The following NTN1 variants were observed in gnomAD, a reference collection of about 807,000 sequenced individuals.
NTN1 encodes the protein netrin-1.
In NTN1, 11 loss-of-function variants were observed where a neutral mutation model predicts 54.2. That is an observed-to-expected ratio of 0.20 (90% confidence interval 0.13 to 0.34). The LOEUF (loss-of-function observed/expected upper bound fraction) is 0.34. NTN1 is among the 10% of genes least tolerant of loss of function. The pLI is 1.00. For missense variants in NTN1, 740 were observed against 893.1 expected (o/e 0.83, Z 2.18); for synonymous variants, 371 against 382.0 (o/e 0.97, Z 0.33).
At chr17:9,130,100 G>A (rs1215834772) in intron 2 of NTN1, among the ~76,000 whole-genome samples, 4 of 152,196 alleles carry the variant, frequency 2.6e-5, no homozygotes, top group African/African-American at 9.7e-5. Context: ...GGGGAGTCTG[G>A]TGACACCTGG....
chr17:9,232,224 C>T (rs1242599235), intron 6 of NTN1, among the ~76,000 whole-genome samples: 1 of 152,192 alleles, frequency 6.6e-6, no homozygotes, highest in Non-Finnish European at 1.5e-5. Flanking sequence ...CAGGCTCTCC[C>T]CCAGGCTGCT....
intron 3 of NTN1, among the ~76,000 whole-genome samples, chr17:9,178,354 G>A (rs1183141061): frequency 6.6e-6 from 1 of 152,202 alleles, no homozygotes; most frequent in African/African-American, 2.4e-5. Context: ...GGCACCCCCA[G>A]CCCTGGGACC....
chr17:9,064,202 CG>C (rs1166583757), intron 2 of NTN1, among the ~76,000 whole-genome samples: 1 of 152,038 alleles, frequency 6.6e-6, no homozygotes, highest in African/African-American at 2.4e-5. Flanking sequence ...ATTCATTCAT[CG>C]GTCCATGCTC....
intron 2 of NTN1, among the ~76,000 whole-genome samples, chr17:9,085,994 T>C (rs2092089026): frequency 1.3e-5 from 2 of 152,198 alleles, no homozygotes; most frequent in Admixed American, 6.5e-5. Context: ...GCCCAGATGG[T>C]CTCTTGCAGG....
At chr17:9,197,273 C>G (rs143167351) in intron 5 of NTN1, among the ~76,000 whole-genome samples, 1 of 152,086 alleles carries the variant, frequency 6.6e-6, no homozygotes, top group Non-Finnish European at 1.5e-5. Flanking sequence ...CACTTTACCA[C>G]GGTCCTTCAA....
chr17:9,221,179 T>G lies in NTN1; in HGVS notation c.1423T>G (p.Tyr475Asp). The G allele has an allele frequency of 7.0e-7, 1 of 1,419,850 alleles. No homozygotes were observed. Among genetic ancestry groups the G allele is most frequent in the Non-Finnish European group, 9.9e-7 (1 of 1,013,508 alleles). The allele number at this position is 1,419,850 out of a possible 1,614,324, so 88.0% of individuals were successfully genotyped here. A position where few individuals can be genotyped will look rare whatever the true frequency, so the allele number is the denominator to read the frequency against. The change falls in exon 6 of 7, where the codon TAC (tyrosine) becomes GAC (aspartate). Residue 475 changes from tyrosine to aspartate, a missense_variant. Tyr to Asp is a radical substitution (Grantham distance 160). Coordinates refer to ENST00000173229, the MANE Select transcript of NTN1 (RefSeq NM_004822.3). This position sits in a 1 kb window ranked among gnomAD's most constrained non-coding sequence, Gnocchi z 4.5. ...CCACCCCCCTGCAGACTGCGATTCCTACTGCAAGGCCTCCAAGGGGAAGCT... is the reference window on the plus strand; with the variant it reads ...CCACCCCCCTGCAGACTGCGATTCCGACTGCAAGGCCTCCAAGGGGAAGCT... ...SVEEPEDCDS[Y>D]CKASKGKLKI...
chr17:9,152,043 A>C (rs2092329022), intron 2 of NTN1, among the ~76,000 whole-genome samples: 1 of 151,396 alleles, frequency 6.6e-6, no homozygotes, highest in Non-Finnish European at 1.5e-5. Context: ...AAGGGAATAA[A>C]AGCTGGCCCC....
chr17:9,097,828 G>A (rs9910845), intron 2 of NTN1, among the ~76,000 whole-genome samples: 108,921 of 151,326 alleles, frequency 0.72, 39,646 homozygotes, highest in East Asian at 0.96. Flanking sequence ...TGCATATAAC[G>A]TAATTTATTG....
the NTN1 span, among the ~76,000 whole-genome samples, chr17:9,013,717 C>T: frequency 6.6e-6 from 1 of 152,156 alleles, no homozygotes. Flanking sequence ...GGATTCCCTC[C>T]TTCAGAGTCT....
In NTN1 at chr17:9,032,892, G is replaced by A. The variant is rs562606801; in HGVS notation, c.1018+9501G>A. ...GGGAGAGAATTCACGGTGAGAAAGT[G>A]CTTGGCCTTCTGAGCTGCCATGAGG... On this transcript the variant is annotated intron_variant, in intron 2 of 6. Coordinates refer to ENST00000173229, the MANE Select transcript of NTN1 (RefSeq NM_004822.3). 4.6e-5 allele frequency among the ~76,000 whole-genome samples: 7 copies of A among 151,702 alleles called. No homozygotes were observed. The South Asian group carries it at 1.5e-3, about 32-fold the overall frequency.
intron 2 of NTN1, among the ~76,000 whole-genome samples, chr17:9,128,113 T>C (rs1353390916): frequency 6.7e-6 from 1 of 149,260 alleles, no homozygotes; most frequent in Non-Finnish European, 1.5e-5. Flanking sequence ...CAAGACTCCG[T>C]CTCGAAAAAT....
intron 6 of NTN1, among the ~76,000 whole-genome samples, chr17:9,222,921 C>G (rs1311871894): frequency 6.6e-6 from 1 of 152,198 alleles, no homozygotes; most frequent in East Asian, 1.9e-4. Context: ...CATACGCACA[C>G]TCCCTACGCA....
chr17:9,237,569 AG>A (rs1415107312), intron 6 of NTN1, among the ~76,000 whole-genome samples: 3 of 152,152 alleles, frequency 2.0e-5, no homozygotes, highest in Non-Finnish European at 4.4e-5. Context: ...GCCCCAGCCC[AG>A]GGTGCCTTCT....
At chr17:9,180,069 C>G (rs1038934155) in intron 4 of NTN1, 113 bp downstream of exon 4, 2 of 1,212,584 alleles carry the variant, frequency 1.6e-6, no homozygotes, top group African/African-American at 3.1e-5. Flanking sequence ...GGTTGAGTCT[C>G]ACTGTGTCGC....
chr17:9,086,714 T>C (rs1035992762), intron 2 of NTN1, among the ~76,000 whole-genome samples: 1 of 152,156 alleles, frequency 6.6e-6, no homozygotes, highest in Non-Finnish European at 1.5e-5. Flanking sequence ...TCAATATCAC[T>C]ATCTCCTTTA....
the NTN1 span, among the ~76,000 whole-genome samples, chr17:9,010,515 A>G: frequency 1.3e-5 from 2 of 152,186 alleles, no homozygotes; most frequent in East Asian, 1.9e-4. Context: ...ATGTTTTAAG[A>G]CCAGCGTGTT....
At chr17:9,038,288 C>G (rs2091910285) in intron 2 of NTN1, among the ~76,000 whole-genome samples, 1 of 151,598 alleles carries the variant, frequency 6.6e-6, no homozygotes, top group African/African-American at 2.4e-5. Context: ...CACCTGAGAT[C>G]ACCCTTATCC....
At chr17:9,010,595 T>C in the NTN1 span, among the ~76,000 whole-genome samples, 1 of 152,254 alleles carries the variant, frequency 6.6e-6, no homozygotes, top group Non-Finnish European at 1.5e-5. Flanking sequence ...AGACTCTTAA[T>C]TCTGGCATTT....
At chr17:9,098,046 A>G (rs146659236) in intron 2 of NTN1, among the ~76,000 whole-genome samples, 4 of 152,278 alleles carry the variant, frequency 2.6e-5, no homozygotes, top group East Asian at 1.9e-4. Context: ...AGATGATTCT[A>G]TTGAGCAGAG....
Sources: allele counts gnomAD v4.1 joint callset (sites outside exome capture counted in the v4.1 genomes callset), GRCh38; gene constraint gnomAD v4.1.1; non-coding constraint Gnocchi (gnomAD v3.1); transcripts MANE v1.5; gene names NCBI Gene and HGNC (gene_info 2026-07-23, HGNC 2026-07-21).